HDAC4: variants seen among roughly 807,000 people sequenced by gnomAD.
HDAC4 encodes histone deacetylase A.
HDAC4 carries 16 observed loss-of-function variants against 135.1 expected under a neutral mutation model. That is an observed-to-expected ratio of 0.12 (90% CI 0.08 to 0.18). The LOEUF is 0.18. Among genes scored for constraint, HDAC4 ranks in the 10% least tolerant of loss-of-function variants. The pLI, the probability that HDAC4 is intolerant of heterozygous loss-of-function variation, is 1.00. For synonymous variants in HDAC4, 685 were observed against 653.4 expected (o/e 1.05, Z -0.74); for missense variants, 1,143 against 1,511.8 (o/e 0.76, Z 4.05).
chr2:239,395,876 C>A (rs1221056852), intron 1 of HDAC4, among the ~76,000 whole-genome samples: 3 of 152,324 alleles, frequency 2.0e-5, no homozygotes, highest in African/African-American at 7.2e-5. Flanking sequence ...AAATGTAGAA[C>A]TGTGGGGACA....
chr2:239,315,531 C>T (rs916751787), intron 2 of HDAC4, among the ~76,000 whole-genome samples: 27 of 152,150 alleles, frequency 1.8e-4, no homozygotes, highest in South Asian at 1.0e-3. Flanking sequence ...AAAGCCCCTA[C>T]GCTTCAGAGA....
chr2:239,144,078 C>T lies in HDAC4; in HGVS notation c.865+505G>A, dbSNP rs139186759. ...GTGTCCACCACTAGATGGGGCCAAC[C>T]GTGACACGTCACTAGGGCCAAGCTG... On this transcript the variant is annotated intron_variant, in intron 8 of 26. Transcript: ENST00000543185. Among the ~76,000 whole-genome samples, 908 of 152,230 alleles carry T rather than the reference C, an allele frequency of 6.0e-3. 12 individuals carry two copies. The highest frequency in any genetic ancestry group is 0.021 in the African/African-American group (863 of 41,542).
intron 3 of HDAC4, among the ~76,000 whole-genome samples, chr2:239,190,724 G>A (rs757294901): frequency 6.6e-6 from 1 of 152,186 alleles, no homozygotes; most frequent in Non-Finnish European, 1.5e-5. Flanking sequence ...CTGGGCATGC[G>A]TTTCTGCACC....
intron 2 of HDAC4, among the ~76,000 whole-genome samples, chr2:239,273,611 CCA>C (rs1559312464): frequency 6.6e-6 from 1 of 152,188 alleles, no homozygotes; most frequent in African/African-American, 2.4e-5. Context: ...CGCCCCCATG[CCA>C]CAGTCTTGCC....
chr2:239,095,123 G>C, intron 16 of HDAC4, 67 bp from the exon 17 acceptor site: 3 of 1,567,462 alleles, frequency 1.9e-6, no homozygotes, highest in Non-Finnish European at 2.6e-6. Context: ...ACAGGCCCTG[G>C]GCGCACTCCG....
In HDAC4 at chr2:239,089,745, A is replaced by ATTT. The variant is rs1400857466; in HGVS notation, c.2388+263_2388+264insAAA. The ATTT allele has an allele frequency of 4.3e-3, 1,352 of 314,948 alleles. 18 individuals are homozygous for ATTT. The highest frequency in any genetic ancestry group is 0.03 in the African/African-American group (1,238 of 41,736). 19.5% of individuals were successfully genotyped at this position (314,948 alleles called of 1,614,324 possible). A position where few individuals can be genotyped will look rare whatever the true frequency, so the allele number is the denominator to read the frequency against. ...CTTTGGAGCTTTTTTTTTTTTTTTA[A>ATTT]GAGTATAAATTTTTAAGAGTATAAA... On this transcript the variant is annotated intron_variant, in intron 18 of 26. Transcript: ENST00000543185.
intron 2 of HDAC4, among the ~76,000 whole-genome samples, chr2:239,261,260 C>T (rs1214285092): frequency 6.6e-6 from 1 of 152,102 alleles, no homozygotes; most frequent in African/African-American, 2.4e-5. Context: ...GGCCTAAATG[C>T]ACTTTAGGAA....
chr2:239,108,072 G>A lies in HDAC4; in HGVS notation c.2090C>T (p.Thr697Met), dbSNP rs2038320945. The A allele has an allele frequency of 1.9e-6, 3 of 1,610,922 alleles. No individual in the cohort carries two copies. The highest frequency in any genetic ancestry group is 1.1e-5 in the South Asian group (1 of 90,976). ...IQSIWSRLQE[T>M]GLRGKCECIR... is the part of the protein sequence containing the mutation. ...TACCTCGCATTTGCCCCGGAGGCCC[G>A]TCTCCTGCAGGCGGGACCAGATGCT... is the stretch of plus-strand genomic sequence containing the variant. Residue 697 changes from threonine to methionine, a missense_variant, in exon 15 of 27, where the codon ACG becomes ATG. By Grantham distance (81) the Thr-to-Met change is moderately conservative. Around this residue, in one of 9 missense-constraint regions of HDAC4, gnomAD observed 47 missense variants for 117.2 expected, o/e 0.40. Coordinates refer to ENST00000543185, the MANE Select transcript of HDAC4 (RefSeq NM_001378414.1).
intron 4 of HDAC4, among the ~76,000 whole-genome samples, chr2:239,178,053 C>T (rs1366890525): frequency 6.6e-6 from 1 of 152,218 alleles, no homozygotes; most frequent in African/African-American, 2.4e-5. Flanking sequence ...CGCTCTCGTT[C>T]GCATGCTCCA....
chr2:239,056,093 G>C (rs2031797371), intron 24 of HDAC4, among the ~76,000 whole-genome samples: 1 of 152,228 alleles, frequency 6.6e-6, no homozygotes, highest in Non-Finnish European at 1.5e-5. Context: ...ATCGACAGTG[G>C]CAGCTCCGCC....
At chr2:239,284,482 G>A (rs2051018527) in intron 2 of HDAC4, among the ~76,000 whole-genome samples, 1 of 152,212 alleles carries the variant, frequency 6.6e-6, no homozygotes, top group African/African-American at 2.4e-5. Context: ...CAGGTGCATT[G>A]TGGCCCTCGT....
In HDAC4 at chr2:239,189,814, G is replaced by GCCCCGCAC; in HGVS notation, c.339+11_339+18dup. 6.3e-7 allele frequency: 1 copy of GCCCCGCAC among 1,598,084 alleles called. No homozygotes were observed. On this transcript the variant is annotated intron_variant, in intron 4 of 26. Coordinates refer to ENST00000543185, the MANE Select transcript of HDAC4 (RefSeq NM_001378414.1). ...GTGCCGGAGGCCTGGCCCACCCGCA[G>GCCCCGCAC]CCCCGCACCGCGCCTCACCTTGATG...
At chr2:239,165,541 T>C (rs1326100703) in intron 5 of HDAC4, among the ~76,000 whole-genome samples, 2 of 152,164 alleles carry the variant, frequency 1.3e-5, no homozygotes, top group African/African-American at 4.8e-5. Context: ...TTTCTTATGA[T>C]AATGGCTGTA....
intron 24 of HDAC4, among the ~76,000 whole-genome samples, chr2:239,062,144 T>G (rs2106522658): frequency 6.6e-6 from 1 of 152,402 alleles, no homozygotes; most frequent in South Asian, 2.1e-4. Flanking sequence ...CACTGGCAGT[T>G]GCAGATAACT....
chr2:239,125,862 C>T (rs759327948), intron 12 of HDAC4, among the ~76,000 whole-genome samples: 1 of 152,228 alleles, frequency 6.6e-6, no homozygotes, highest in Non-Finnish European at 1.5e-5. Context: ...GGGCCCAGAA[C>T]CAGCTCTGAC....
At chr2:239,080,916 G>A (rs984274158) in intron 22 of HDAC4, 179 bp downstream of exon 22, 6 of 597,318 alleles carry the variant, frequency 1.0e-5, no homozygotes, top group Non-Finnish European at 1.5e-5. Flanking sequence ...TAAGAAGATA[G>A]TCGCCAAGAT....
chr2:239,226,632 G>A (rs1201909290), intron 3 of HDAC4, among the ~76,000 whole-genome samples: 2 of 150,996 alleles, frequency 1.3e-5, no homozygotes. Flanking sequence ...GAAATCTTTG[G>A]GTCGACAGCA....
At chr2:239,102,948 C>T (rs1455982135) in intron 15 of HDAC4, 52 bp from the exon 16 acceptor site, 2 of 1,611,624 alleles carry the variant, frequency 1.2e-6, no homozygotes, top group South Asian at 1.1e-5. Context: ...GCTGCTGCTT[C>T]AGCTCCACAG....
intron 14 of HDAC4, among the ~76,000 whole-genome samples, chr2:239,111,215 G>T (rs958180352): frequency 6.6e-6 from 1 of 152,268 alleles, no homozygotes; most frequent in Non-Finnish European, 1.5e-5. Flanking sequence ...CGGACCAGAA[G>T]CTGTAGGTTC....
Sources: allele counts gnomAD v4.1 joint callset (sites outside exome capture counted in the v4.1 genomes callset), GRCh38; gene constraint gnomAD v4.1.1; regional missense constraint gnomAD v4.1.1; transcripts MANE v1.5; gene names NCBI Gene and HGNC (gene_info 2026-07-23, HGNC 2026-07-21).